Variants in AGBL1 observed in about 807,000 individuals in gnomAD.
AGBL1 encodes AGBL carboxypeptidase 1, also known as cytosolic carboxypeptidase 4.
Under a neutral mutation model 118.9 loss-of-function variants are expected in AGBL1, and 130 were observed. The observed-to-expected ratio is 1.09, with a 90% confidence interval of 0.95 to 1.26. AGBL1 has a LOEUF of 1.26. AGBL1 is among the 50% of genes most tolerant of loss of function. The pLI, the probability that AGBL1 is intolerant of heterozygous loss-of-function variation, is 0.00. For synonymous variants in AGBL1, 555 were observed against 478.9 expected, an observed-to-expected ratio of 1.16 and a Z score of -2.08; for missense variants, 1,584 against 1,298.1, an observed-to-expected ratio of 1.22 and a Z score of -3.38.
chr15:86,328,558 CAA>C (rs747323272), intron 17 of AGBL1, among the ~76,000 whole-genome samples: 10 of 152,106 alleles, frequency 6.6e-5, no homozygotes, highest in Non-Finnish European at 1.3e-4. Flanking sequence ...AGCCTTAACT[CAA>C]GAGGAAAAAC....
At chr15:86,364,107 C>A (rs894871176) in intron 17 of AGBL1, among the ~76,000 whole-genome samples, 1 of 152,160 alleles carries the variant, frequency 6.6e-6, no homozygotes, top group Non-Finnish European at 1.5e-5. Flanking sequence ...TCTTTTCCAT[C>A]ATAACTTCCA....
chr15:86,265,004 G>T (rs1401396139), intron 11 of AGBL1, among the ~76,000 whole-genome samples, 166 bp downstream of exon 11: 1 of 152,200 alleles, frequency 6.6e-6, no homozygotes, highest in Non-Finnish European at 1.5e-5. Context: ...TTTGCTTCCT[G>T]CAAGGACTTT....
At chr15:86,786,748 T>C (rs186858395) in intron 22 of AGBL1, among the ~76,000 whole-genome samples, 1 of 152,342 alleles carries the variant, frequency 6.6e-6, no homozygotes, top group Admixed American at 6.5e-5. Context: ...GACATATGCA[T>C]GTTGCTACAT....
At chr15:86,751,262 T>G (rs557805981) in intron 22 of AGBL1, among the ~76,000 whole-genome samples, 6 of 152,274 alleles carry the variant, frequency 3.9e-5, no homozygotes, top group Non-Finnish European at 5.9e-5. Context: ...GTGTTCCTTT[T>G]TCTTCACAAC....
chr15:86,391,045 G>C (rs989764441), intron 17 of AGBL1, among the ~76,000 whole-genome samples: 1 of 151,274 alleles, frequency 6.6e-6, no homozygotes. Context: ...CAAATCGGTG[G>C]TTGCCAGAGG....
At chr15:86,650,528 G>A (rs186240160) in intron 21 of AGBL1, among the ~76,000 whole-genome samples, 1 of 152,214 alleles carries the variant, frequency 6.6e-6, no homozygotes, top group African/African-American at 2.4e-5. Context: ...TAACACGAAA[G>A]TCCAACATAC....
intron 2 of AGBL1, among the ~76,000 whole-genome samples, chr15:86,143,136 G>A (rs2076986247): frequency 6.6e-6 from 1 of 152,180 alleles, no homozygotes; most frequent in African/African-American, 2.4e-5. Flanking sequence ...CATAGCTCTA[G>A]ACTGTCTTCA....
intron 4 of AGBL1, among the ~76,000 whole-genome samples, chr15:86,155,154 T>C (rs193060473): frequency 6.6e-6 from 1 of 152,310 alleles, no homozygotes; most frequent in Non-Finnish European, 1.5e-5. Context: ...AATTTTATAG[T>C]TTTGAAAAAG....
chr15:86,694,632 G>A (rs937256140), intron 22 of AGBL1, among the ~76,000 whole-genome samples: 4 of 152,042 alleles, frequency 2.6e-5, no homozygotes, highest in African/African-American at 9.7e-5. Context: ...CCAGTTCTGT[G>A]TTGAATAGAA....
At chr15:86,752,349 G>A (rs1342028665) in intron 22 of AGBL1, among the ~76,000 whole-genome samples, 2 of 152,042 alleles carry the variant, frequency 1.3e-5, no homozygotes, top group African/African-American at 4.8e-5. Context: ...TGATGTGCTG[G>A]GTCCTGAAGC....
chr15:86,413,197 C>T (rs769185146), intron 18 of AGBL1, among the ~76,000 whole-genome samples: 13 of 152,108 alleles, frequency 8.5e-5, no homozygotes, highest in Non-Finnish European at 1.6e-4. Flanking sequence ...AAAAGATGCT[C>T]AGTAAGGTAA....
intron 23 of AGBL1, among the ~76,000 whole-genome samples, chr15:86,931,530 T>A (rs2080603995): frequency 6.6e-6 from 1 of 151,818 alleles, no homozygotes; most frequent in African/African-American, 2.4e-5. Flanking sequence ...ATTATTTCAC[T>A]GAAAAATTAC....
intron 18 of AGBL1, among the ~76,000 whole-genome samples, chr15:86,512,723 T>C (rs180990976): frequency 1.8e-4 from 27 of 152,016 alleles, no homozygotes; most frequent in Admixed American, 3.3e-4. Flanking sequence ...GAATCCTTGT[T>C]ATCTTTTTCT....
At chr15:86,768,260 T>A (rs372557611) in intron 22 of AGBL1, among the ~76,000 whole-genome samples, 4 of 151,968 alleles carry the variant, frequency 2.6e-5, no homozygotes, top group African/African-American at 9.7e-5. Context: ...GACACAAACA[T>A]CTCCATACCC....
intron 17 of AGBL1, among the ~76,000 whole-genome samples, chr15:86,325,258 T>C (rs2080167692): frequency 6.6e-6 from 1 of 152,054 alleles, no homozygotes; most frequent in African/African-American, 2.4e-5. Context: ...ATGAAAAATA[T>C]TTGGGCAAGA....
intron 23 of AGBL1, among the ~76,000 whole-genome samples, chr15:86,947,466 T>C (rs1447201558): frequency 2.0e-5 from 3 of 152,234 alleles, no homozygotes; most frequent in Non-Finnish European, 4.4e-5. Context: ...CATTTGCAGA[T>C]AAATTATGGA....
At chr15:86,177,389 G>T (rs1422197044) in intron 5 of AGBL1, among the ~76,000 whole-genome samples, 1 of 152,170 alleles carries the variant, frequency 6.6e-6, no homozygotes, top group Non-Finnish European at 1.5e-5. Context: ...GATAGAATAA[G>T]TAGAGAGAAA....
intron 18 of AGBL1, among the ~76,000 whole-genome samples, chr15:86,497,938 C>G (rs1304977985): frequency 6.6e-6 from 1 of 151,846 alleles, no homozygotes; most frequent in Non-Finnish European, 1.5e-5. Flanking sequence ...TCCTCCTTTG[C>G]TATTTTCTTT....
At chr15:86,104,550 GTCT>G (rs1157277631) in intron 1 of AGBL1, among the ~76,000 whole-genome samples, 1 of 152,072 alleles carries the variant, frequency 6.6e-6, no homozygotes, top group East Asian at 1.9e-4. Context: ...ATGTGGGGGA[GTCT>G]TCTCTCAGGG....
Sources: allele counts gnomAD v4.1 joint callset (sites outside exome capture counted in the v4.1 genomes callset), GRCh38; gene constraint gnomAD v4.1.1; transcripts MANE v1.5; gene names NCBI Gene and HGNC (gene_info 2026-07-23, HGNC 2026-07-21).